The following RBFOX1 variants were observed in gnomAD, a reference collection of about 807,000 sequenced individuals.
RBFOX1 encodes RNA binding protein fox-1 homolog 1.
Under a neutral mutation model 57.7 loss-of-function variants are expected in RBFOX1, and 8 were observed. The observed-to-expected ratio is 0.14, with a 90% CI of 0.08 to 0.25. RBFOX1 has a LOEUF of 0.25. Ranked by LOEUF, RBFOX1 falls within the 10% of genes least tolerant of loss-of-function variation. The probability of loss-of-function intolerance (pLI) is 1.00; values close to 1 mark genes in which losing one functional copy is unlikely to be tolerated. For synonymous variants in RBFOX1, 326 were observed against 222.4 expected (o/e 1.47, Z -4.15); for missense variants, 611 against 548.5 (o/e 1.11, Z -1.14).
chr16:7,372,089 C>T (rs1166623483), intron 4 of RBFOX1, among the ~76,000 whole-genome samples: 1 of 152,110 alleles, frequency 6.6e-6, no homozygotes, highest in Non-Finnish European at 1.5e-5. Context: ...AATTTCCTAG[C>T]AGTGTGATTG....
At chr16:6,795,283 G>A (rs950672783) in intron 3 of RBFOX1, among the ~76,000 whole-genome samples, 1 of 152,032 alleles carries the variant, frequency 6.6e-6, no homozygotes. Context: ...GATAGAAGGG[G>A]CCTTGAGAGC....
In RBFOX1 at chr16:5,947,140, C is replaced by T. The variant is rs866116982; in HGVS notation, c.351+79805C>T. On this transcript the variant is annotated intron_variant, in intron 4 of 19. Coordinates refer to the RBFOX1 transcript ENST00000641259. This position sits in a 1 kb window ranked among gnomAD's most constrained non-coding sequence, Gnocchi z 7.2. ...CTGAGGTAGGAGGATCATGTGAACT[C>T]AGGAGGTTGAGGTTGCAGCGAGCCG... Among the ~76,000 whole-genome samples the T allele has an allele frequency of 1.3e-5, 2 of 152,094 alleles. No individual in the cohort carries two copies. Among genetic ancestry groups the T allele is most frequent in the African/African-American group, 4.8e-5 (2 of 41,414 alleles).
chr16:6,415,634 G>A lies in RBFOX1; in HGVS notation c.-64+98577G>A, dbSNP rs144701646. On this transcript the variant is annotated intron_variant, in intron 2 of 15. Coordinates refer to ENST00000550418, the MANE Select transcript of RBFOX1 (RefSeq NM_018723.4). Reference sequence around the variant, plus strand: ...AAGAATCGCTTGAATCCGGGAGATGGAGGTTGCAGTGAGCTGAGATAACAC... The same window carrying A: ...AAGAATCGCTTGAATCCGGGAGATGAAGGTTGCAGTGAGCTGAGATAACAC... 3.7e-3 allele frequency among the ~76,000 whole-genome samples: 566 copies of A among 152,266 alleles called. 4 individuals are homozygous for A. Among genetic ancestry groups the A allele is most frequent in the African/African-American group, 0.013 (530 of 41,560 alleles).
At chr16:5,373,611 T>A (rs558969575) in intron 1 of RBFOX1, among the ~76,000 whole-genome samples, 1 of 152,048 alleles carries the variant, frequency 6.6e-6, no homozygotes, top group Non-Finnish European at 1.5e-5. Context: ...CTTTTCTTTT[T>A]TTTTTTGTTT....
intron 3 of RBFOX1, among the ~76,000 whole-genome samples, chr16:6,676,813 T>C (rs1371597200): frequency 1.3e-5 from 2 of 151,824 alleles, no homozygotes; most frequent in Admixed American, 1.3e-4. Context: ...GTAGCTGGGA[T>C]TACAGGCACC....
intron 3 of RBFOX1, chr16:5,838,665 C>T (rs1039621350): frequency 6.5e-6 from 1 of 153,236 alleles, no homozygotes; most frequent in Non-Finnish European, 1.5e-5. Flanking sequence ...CAGTCACTTT[C>T]TCTCTCTAGA....
intron 3 of RBFOX1, among the ~76,000 whole-genome samples, chr16:6,969,188 C>T (rs2084961459): frequency 1.3e-5 from 2 of 152,110 alleles, no homozygotes; most frequent in Admixed American, 6.5e-5. Flanking sequence ...TCTCTTAACT[C>T]CTCACTACAT....
At chr16:6,542,248 T>G (rs760014914) in intron 2 of RBFOX1, among the ~76,000 whole-genome samples, 3 of 151,972 alleles carry the variant, frequency 2.0e-5, no homozygotes, top group Non-Finnish European at 2.9e-5. Context: ...AAAAATAATC[T>G]TGAGATCTAT....
intron 3 of RBFOX1, among the ~76,000 whole-genome samples, chr16:6,931,908 G>A (rs1031530294): frequency 1.3e-5 from 2 of 152,138 alleles, no homozygotes; most frequent in African/African-American, 4.8e-5. Context: ...CATGTGAGAG[G>A]GAGGAGGCGA....
intron 2 of RBFOX1, chr16:6,483,521 G>A: frequency 1.3e-6 from 2 of 1,535,710 alleles, no homozygotes; most frequent in Non-Finnish European, 1.7e-6. Flanking sequence ...GCAGCTAATT[G>A]CAGTCGTGGG....
chr16:5,469,752 A>G (rs997086599), intron 2 of RBFOX1, among the ~76,000 whole-genome samples: 1 of 152,190 alleles, frequency 6.6e-6, no homozygotes, highest in Non-Finnish European at 1.5e-5. Flanking sequence ...TATAAATGGA[A>G]TTGTATAGTA....
At chr16:7,651,284 G>A (rs1386681099) in intron 11 of RBFOX1, among the ~76,000 whole-genome samples, 1 of 152,052 alleles carries the variant, frequency 6.6e-6, no homozygotes. Context: ...GGTTTTATTT[G>A]GGCCCTTAAA....
intron 2 of RBFOX1, among the ~76,000 whole-genome samples, chr16:6,451,366 C>T (rs2094618724): frequency 6.6e-6 from 1 of 151,966 alleles, no homozygotes; most frequent in African/African-American, 2.4e-5. Flanking sequence ...AACTATGTTG[C>T]ATGCTTTAGA....
At chr16:7,096,574 C>T (rs1025871641) in intron 4 of RBFOX1, among the ~76,000 whole-genome samples, 4 of 152,112 alleles carry the variant, frequency 2.6e-5, no homozygotes, top group African/African-American at 9.7e-5. Context: ...ATCCCTGATA[C>T]TCAACATCCA....
At chr16:7,454,864 G>GT (rs1319549789) in intron 4 of RBFOX1, among the ~76,000 whole-genome samples, 1 of 152,178 alleles carries the variant, frequency 6.6e-6, no homozygotes, top group African/African-American at 2.4e-5. Context: ...GTTACATCAG[G>GT]TACCACAGTG....
chr16:7,467,250 C>T (rs927255171), intron 4 of RBFOX1, among the ~76,000 whole-genome samples: 8 of 152,208 alleles, frequency 5.3e-5, no homozygotes, highest in Admixed American at 1.3e-4. Flanking sequence ...GTCTCCTAGG[C>T]GACCTCTCAA....
chr16:6,764,240 A>G (rs950242463), intron 3 of RBFOX1, among the ~76,000 whole-genome samples: 1 of 152,238 alleles, frequency 6.6e-6, no homozygotes, highest in Non-Finnish European at 1.5e-5. Flanking sequence ...CTGGCATGCA[A>G]ATTGGCTGGA....
At chr16:6,002,171 C>G (rs1351254957) in intron 4 of RBFOX1, among the ~76,000 whole-genome samples, 1 of 152,086 alleles carries the variant, frequency 6.6e-6, no homozygotes, top group Non-Finnish European at 1.5e-5. Flanking sequence ...GAGACTAGGT[C>G]TTGATATGTT....
intron 3 of RBFOX1, among the ~76,000 whole-genome samples, chr16:6,851,762 G>A (rs1321122244): frequency 1.3e-5 from 2 of 152,076 alleles, no homozygotes; most frequent in South Asian, 2.1e-4. Flanking sequence ...CTCACAGGCA[G>A]AAGGACTGGC....
Sources: allele counts gnomAD v4.1 joint callset (sites outside exome capture counted in the v4.1 genomes callset), GRCh38; gene constraint gnomAD v4.1.1; non-coding constraint Gnocchi (gnomAD v3.1); transcripts MANE v1.5; gene names NCBI Gene and HGNC (gene_info 2026-07-23, HGNC 2026-07-21).